The following TRIM34 variants were observed in gnomAD, a reference collection of about 807,000 sequenced individuals.
TRIM34 encodes tripartite motif containing 34.
Under a neutral mutation model 38.1 loss-of-function variants are expected in TRIM34, and 41 were observed. The ratio of observed to expected loss-of-function variants is 1.08; its 90% CI spans 0.84 to 1.40. TRIM34 has a LOEUF of 1.40. TRIM34 is among the 40% of genes most tolerant of loss of function. The pLI is 0.00. For synonymous variants in TRIM34, 200 were observed against 202.5 expected, an observed-to-expected ratio of 0.99 and a Z score of 0.10; for missense variants, 556 against 571.4, an observed-to-expected ratio of 0.97 and a Z score of 0.27.
intron 4 of TRIM34, among the ~76,000 whole-genome samples, chr11:5,637,403 T>C (rs901742960): frequency 4.6e-5 from 7 of 152,214 alleles, no homozygotes; most frequent in African/African-American, 1.7e-4. Context: ...GACGCTCAAC[T>C]TGAAAACTGA....
At chr11:5,631,991 G>C (rs143752094) in intron 1 of TRIM34, among the ~76,000 whole-genome samples, 3 of 152,294 alleles carry the variant, frequency 2.0e-5, no homozygotes, top group Admixed American at 1.3e-4. Context: ...CTGATGAAGG[G>C]ACATGTAAGG....
intron 6 of TRIM34, 136 bp from the exon 7 acceptor site, chr11:5,642,681 C>G: frequency 7.6e-7 from 1 of 1,318,968 alleles, no homozygotes; most frequent in African/African-American, 2.0e-5. Context: ...GGCTAGGTCT[C>G]TGGTTTATCT....
At chr11:5,638,691 G>A (rs1849850911) in intron 4 of TRIM34, among the ~76,000 whole-genome samples, 2 of 152,226 alleles carry the variant, frequency 1.3e-5, no homozygotes, top group South Asian at 4.1e-4. Flanking sequence ...AAACAATATG[G>A]CTGGAGAACA....
chr11:5,634,747 G>A lies in TRIM34; in HGVS notation c.636G>A (p.Thr212=), dbSNP rs376140381. Reference sequence around the variant, plus strand: ...GATTGGAAGAAGAAGAAAAGAAGACGCTGGATAAGTTTGCAGAGGCTGAGG... The same window carrying A: ...GATTGGAAGAAGAAGAAAAGAAGACACTGGATAAGTTTGCAGAGGCTGAGG... ...LQRLEEEEKK[T]LDKFAEAEDE... The change falls in exon 4 of 8, where the codon ACG becomes ACA. Residue 212 remains threonine, a synonymous_variant. Transcript: ENST00000429814. 8 of 1,614,074 alleles carry A rather than the reference G, an allele frequency of 5.0e-6. No individual in the cohort carries two copies. The highest frequency in any genetic ancestry group is 1.6e-4 in the Middle Eastern group (1 of 6,062).
intron 1 of TRIM34, among the ~76,000 whole-genome samples, chr11:5,629,149 C>T (rs777222405): frequency 2.0e-5 from 3 of 152,120 alleles, no homozygotes; most frequent in East Asian, 1.9e-4. Flanking sequence ...TGGTGGCATA[C>T]ACCTGTAATC....
At position 5,643,166 on chromosome 11, in the gene TRIM34, C is replaced by A. The variant is rs766482956; in HGVS notation, c.924C>A (p.Val308=). ...CYWVDVTLNS[V]NLNLNLVLSE... ...CAGTGGATGTCACACTGAATTCAGT[C>A]AACCTAAATTTGAATCTTGTCCTTT... The change falls in exon 8 of 8, where the codon GTC becomes GTA. Residue 308 remains valine (V), a synonymous_variant. Transcript: ENST00000429814. 2.6e-6 allele frequency: 4 copies of A among 1,540,088 alleles called. No individual in the cohort carries two copies. The highest frequency in any genetic ancestry group is 2.6e-5 in the South Asian group (2 of 76,850).
chr11:5,622,369 C>T (rs951434435), upstream of TRIM34, among the ~76,000 whole-genome samples: 3 of 151,100 alleles, frequency 2.0e-5, no homozygotes, highest in South Asian at 2.1e-4. Flanking sequence ...GGCGTGAACC[C>T]GGCAGGCGGA....
Position 5,632,321 on chromosome 11 carries a change from G to C in TRIM34, c.-11G>C. The C allele has an allele frequency of 6.2e-7, 1 of 1,614,118 alleles. No homozygotes were observed. Among genetic ancestry groups the C allele is most frequent in the Non-Finnish European group, 8.5e-7 (1 of 1,180,020 alleles). On this transcript the variant is annotated 5_prime_UTR_variant, in exon 2 of 8. Transcript: ENST00000429814. Reference sequence around the variant, plus strand: ...GGAGTTAGGACCAGAAGAAGCCAGGGAAGCAGTGCAATGGCTTCAAAAATC... The same window carrying C: ...GGAGTTAGGACCAGAAGAAGCCAGGCAAGCAGTGCAATGGCTTCAAAAATC...
intron 4 of TRIM34, among the ~76,000 whole-genome samples, chr11:5,636,112 A>C (rs1849723461): frequency 6.6e-6 from 1 of 152,228 alleles, no homozygotes; most frequent in Non-Finnish European, 1.5e-5. Context: ...TTGTTCATAA[A>C]TAAAACAACT....
chr11:5,631,731 T>C (rs1849489219), intron 1 of TRIM34, among the ~76,000 whole-genome samples: 1 of 152,174 alleles, frequency 6.6e-6, no homozygotes. Flanking sequence ...AATGATAAAG[T>C]TTTAGTCATC....
rs1412072525 is a variant in TRIM34, at chr11:5,643,395, C to A, written c.1153C>A (p.Gln385Lys). ...TGTTGTTAGAAGATGTGCAAATCGT[C>A]AAAATCTTTACACCAAATACAGACC... ...KYVVRRCANRQNLYTKYRPLF... is the reference protein window; with the variant it reads ...KYVVRRCANRKNLYTKYRPLF... The change falls in exon 8 of 8, where the codon CAA becomes AAA. Residue 385 changes from glutamine to lysine, a missense_variant. By Grantham distance (53) the Gln-to-Lys change is moderately conservative. Transcript: ENST00000429814. 6.2e-7 allele frequency: 1 copy of A among 1,614,074 alleles called. No homozygotes were observed. Among genetic ancestry groups the A allele is most frequent in the Non-Finnish European group, 8.5e-7 (1 of 1,180,000 alleles).
At position 5,643,383 on chromosome 11, in the gene TRIM34, T is replaced by C. The variant is rs375812190; in HGVS notation, c.1141T>C (p.Cys381Arg). 6 of 1,614,144 alleles carry C rather than the reference T, an allele frequency of 3.7e-6. No individual in the cohort carries two copies. The Admixed American group carries it at 8.3e-5, about 22-fold the overall frequency. ...CCATATGAAGTATGTTGTTAGAAGA[T>C]GTGCAAATCGTCAAAATCTTTACAC... ...SRHMKYVVRR[C>R]ANRQNLYTKY... Residue 381 changes from cysteine (C) to arginine (R), a missense_variant, in exon 8 of 8, where the codon TGT becomes CGT. Coordinates refer to ENST00000429814, the MANE Select transcript of TRIM34 (RefSeq NM_021616.6).
chr11:5,634,977 C>T (rs766620568), intron 4 of TRIM34, 116 bp downstream of exon 4: 19 of 1,080,316 alleles, frequency 1.8e-5, no homozygotes, highest in Middle Eastern at 6.2e-4. Flanking sequence ...GCCGCCTTGT[C>T]GTCCATTCTA....
intron 2 of TRIM34, among the ~76,000 whole-genome samples, chr11:5,633,005 T>G (rs992942131): frequency 6.7e-6 from 1 of 148,686 alleles, no homozygotes; most frequent in Non-Finnish European, 1.5e-5. Context: ...TTTTTTTTTT[T>G]TTTTTTGGAT....
upstream of TRIM34, among the ~76,000 whole-genome samples, chr11:5,620,925 C>T (rs1445949353): frequency 6.6e-6 from 1 of 152,178 alleles, no homozygotes; most frequent in East Asian, 1.9e-4. Flanking sequence ...GCCAACTATC[C>T]TTTCTCTGCT....
intron 5 of TRIM34, among the ~76,000 whole-genome samples, chr11:5,641,557 TCC>T (rs1850013798): frequency 6.6e-6 from 1 of 152,182 alleles, no homozygotes; most frequent in Admixed American, 6.5e-5. Flanking sequence ...CCTTGTCAAA[TCC>T]TAAAATAGGG....
At chr11:5,641,323 T>G (rs1429386344) in intron 5 of TRIM34, 134 bp downstream of exon 5, 21 of 1,545,842 alleles carry the variant, frequency 1.4e-5, no homozygotes, top group Non-Finnish European at 1.8e-5. Context: ...TATCTTAAAT[T>G]GCTGGTCCCC....
intron 4 of TRIM34, among the ~76,000 whole-genome samples, chr11:5,635,628 A>G (rs1849704401): frequency 6.6e-6 from 1 of 152,188 alleles, no homozygotes; most frequent in Non-Finnish European, 1.5e-5. Context: ...ACAAATATAT[A>G]GACAGACAGT....
intron 3 of TRIM34, 101 bp from the exon 4 acceptor site, chr11:5,634,530 C>CACACACACACATATATATAT (rs1491498839): frequency 2.5e-5 from 5 of 203,886 alleles, no homozygotes; most frequent in African/African-American, 1.4e-4. Context: ...CACACACACA[C>CACACACACACATATATATAT]ATATATATAT....
Sources: allele counts gnomAD v4.1 joint callset (sites outside exome capture counted in the v4.1 genomes callset), GRCh38; gene constraint gnomAD v4.1.1; transcripts MANE v1.5; gene names NCBI Gene and HGNC (gene_info 2026-07-23, HGNC 2026-07-21).